OTUD7A: variants seen among roughly 807,000 people sequenced by gnomAD.
OTUD7A encodes the protein OTU deubiquitinase 7A.
Under a neutral mutation model 65.7 loss-of-function variants are expected in OTUD7A, and 12 were observed. The observed-to-expected ratio is 0.18, with a 90% CI of 0.12 to 0.30. OTUD7A has a LOEUF of 0.30. Among genes scored for constraint, OTUD7A ranks in the 10% least tolerant of loss-of-function variants. The pLI, the probability that OTUD7A is intolerant of heterozygous loss-of-function variation, is 1.00. For missense variants in OTUD7A, 1,148 were observed against 1,304.8 expected (o/e 0.88, Z 1.85); for synonymous variants, 641 against 586.3 (o/e 1.09, Z -1.35).
intron 1 of OTUD7A, among the ~76,000 whole-genome samples, chr15:31,860,677 G>GTATATATATATATACATATATA (rs1897708353): frequency 1.4e-5 from 1 of 73,284 alleles, no homozygotes; most frequent in African/African-American, 4.6e-5. Flanking sequence ...ATGTATGTGT[G>GTATATATATATATACATATATA]TATATATATA....
chr15:31,647,071 C>T lies in OTUD7A; in HGVS notation c.151+8025G>A, dbSNP rs550895976. On this transcript the variant is annotated intron_variant, in intron 3 of 12. Transcript: ENST00000307050. ...TTTTTTGACATTTTTTCCCCAAATA[C>T]GTCTGGTCTAACGGCAGAGCTCTCT... is the stretch of plus-strand genomic sequence containing the variant. 2.7e-4 allele frequency among the ~76,000 whole-genome samples: 41 copies of T among 152,204 alleles called. 1 individual carries two copies. In the South Asian group the frequency reaches 6.8e-3, roughly 25 times the overall value.
Position 31,572,342 on chromosome 15 carries a change from G to A in OTUD7A, c.152-2145C>T, listed in dbSNP as rs547313814. 5.9e-5 allele frequency among the ~76,000 whole-genome samples: 9 copies of A among 152,242 alleles called. No individual in the cohort carries two copies. The South Asian group carries it at 1.7e-3, about 28-fold the overall frequency. ...AGCAGCAAGACAGTATAGCTGTATG[G>A]AAGAAGACCTTAACCAAAATAATTC... On this transcript the variant is annotated intron_variant, in intron 3 of 12. Transcript: ENST00000307050.
At chr15:31,704,146 A>G (rs1893275210) in intron 1 of OTUD7A, among the ~76,000 whole-genome samples, 1 of 124,702 alleles carries the variant, frequency 8.0e-6, no homozygotes, top group South Asian at 3.2e-4. Flanking sequence ...ATCAACATTA[A>G]TGTCCTGGTT....
chr15:31,487,483 T>G lies in OTUD7A; in HGVS notation c.1255A>C (p.Lys419Gln). 1 of 1,613,828 alleles carries G rather than the reference T, an allele frequency of 6.2e-7. No individual in the cohort carries two copies. The highest frequency in any genetic ancestry group is 8.5e-7 in the Non-Finnish European group (1 of 1,179,958). The stretch of plus-strand genomic sequence containing the variant: ...AGCCGGGCGTTATCGTTGTCGTCTT[T>G]CCCCCACTCCCAGTCCTTGCCAGGG... ...VDPGKDWEWG[K>Q]DDNDNARLAH... Residue 419 changes from lysine to glutamine, a missense_variant, in exon 11 of 13, where the codon AAA becomes CAA. Transcript: ENST00000307050. The surrounding 1 kb of genome is among the most constrained non-coding windows in gnomAD (Gnocchi z 6.0).
At chr15:31,621,592 CTT>C (rs150301160) in intron 3 of OTUD7A, among the ~76,000 whole-genome samples, 1 of 151,144 alleles carries the variant, frequency 6.6e-6, no homozygotes, top group African/African-American at 2.4e-5. Context: ...CAACCCCTAC[CTT>C]TTTTTTTGTT....
intron 1 of OTUD7A, among the ~76,000 whole-genome samples, chr15:31,854,827 C>A (rs567339318): frequency 0.015 from 2,257 of 146,134 alleles, 59 homozygotes; most frequent in African/African-American, 0.053. Context: ...AAAAAAAAAA[C>A]AACAACAACA....
In OTUD7A at chr15:31,764,665, T is replaced by C. The variant is rs1321464375; in HGVS notation, c.-100+105842A>G. Among the ~76,000 whole-genome samples, 6 of 152,144 alleles carry C rather than the reference T, an allele frequency of 3.9e-5. No individual in the cohort carries two copies. The South Asian group carries it at 6.2e-4, about 16-fold the overall frequency. ...ATGTTTATAAAAAGCATTTAGGCCA[T>C]TGATTCTCACAGTTGGATGAATATT... On this transcript the variant is annotated intron_variant, in intron 1 of 12. Coordinates refer to ENST00000307050, the MANE Select transcript of OTUD7A (RefSeq NM_001382637.1).
At chr15:31,839,715 G>A (rs992873087) in intron 1 of OTUD7A, among the ~76,000 whole-genome samples, 3 of 152,158 alleles carry the variant, frequency 2.0e-5, no homozygotes, top group Non-Finnish European at 1.5e-5. Flanking sequence ...AGGGGATTCA[G>A]ACAAGCTCTA....
intron 1 of OTUD7A, among the ~76,000 whole-genome samples, chr15:31,838,763 C>A (rs991168973): frequency 3.3e-5 from 5 of 151,826 alleles, no homozygotes; most frequent in Non-Finnish European, 7.4e-5. Flanking sequence ...CCCCACTACT[C>A]CTGATTTTGA....
intron 1 of OTUD7A, among the ~76,000 whole-genome samples, chr15:31,797,293 G>A (rs930132280): frequency 6.6e-6 from 1 of 152,144 alleles, no homozygotes; most frequent in African/African-American, 2.4e-5. Context: ...CTTTTTTTAT[G>A]TATCTTGGTC....
chr15:31,617,686 G>A (rs1890634760), intron 3 of OTUD7A, among the ~76,000 whole-genome samples: 1 of 152,058 alleles, frequency 6.6e-6, no homozygotes, highest in Admixed American at 6.6e-5. Flanking sequence ...GGAGAAAGAA[G>A]GTGCAGTGAT....
intron 1 of OTUD7A, among the ~76,000 whole-genome samples, chr15:31,776,118 A>T (rs2140919698): frequency 6.6e-6 from 1 of 152,230 alleles, no homozygotes; most frequent in African/African-American, 2.4e-5. Flanking sequence ...GGGAGAGGGG[A>T]GGTGCATTCT....
chr15:31,528,238 G>C (rs2042040873), intron 6 of OTUD7A, among the ~76,000 whole-genome samples: 1 of 152,210 alleles, frequency 6.6e-6, no homozygotes, highest in Admixed American at 6.5e-5. Context: ...AGGCAGATCT[G>C]CTGTGGCGTG....
intron 10 of OTUD7A, among the ~76,000 whole-genome samples, chr15:31,499,063 T>G (rs779434886): frequency 1.3e-5 from 2 of 152,164 alleles, no homozygotes; most frequent in African/African-American, 2.4e-5. Flanking sequence ...TAAAGAATGC[T>G]TCATGGATTT....
intron 1 of OTUD7A, among the ~76,000 whole-genome samples, chr15:31,763,639 A>G (rs1180562908): frequency 6.6e-6 from 1 of 152,156 alleles, no homozygotes; most frequent in Non-Finnish European, 1.5e-5. Flanking sequence ...CGGTGGCTGA[A>G]ATCTTCCCAA....
intron 3 of OTUD7A, among the ~76,000 whole-genome samples, chr15:31,629,077 C>T (rs1486646574): frequency 6.6e-6 from 1 of 151,916 alleles, no homozygotes; most frequent in Non-Finnish European, 1.5e-5. Flanking sequence ...AATTGAATAC[C>T]CTTTATTTCC....
intron 8 of OTUD7A, among the ~76,000 whole-genome samples, chr15:31,507,060 G>C (rs1164875794): frequency 2.6e-5 from 4 of 152,132 alleles, no homozygotes; most frequent in African/African-American, 9.7e-5. Context: ...GATGGCTAAG[G>C]TCTGTCTTTA....
intron 1 of OTUD7A, among the ~76,000 whole-genome samples, chr15:31,665,554 C>A (rs1434614034): frequency 6.6e-6 from 1 of 152,146 alleles, no homozygotes; most frequent in Non-Finnish European, 1.5e-5. Context: ...GTTCTAGGAG[C>A]TTTCTGGAGG....
In OTUD7A at chr15:31,483,963, C is replaced by A. The variant is rs1315970757; in HGVS notation, c.2133G>T (p.Pro711=). ...PPRRPETEGV[P]VPERASPGPP... is the part of the protein sequence containing the mutation. ...GGCCCGGAGAGGCGCGCTCCGGGAC[C>A]GGCACGCCCTCCGTCTCCGGTCTGC... Residue 711 remains proline (P), a synonymous_variant, in exon 13 of 13, where the codon CCG becomes CCT. Coordinates refer to ENST00000307050, the MANE Select transcript of OTUD7A (RefSeq NM_001382637.1). 8.8e-7 allele frequency: 1 copy of A among 1,134,292 alleles called. No homozygotes were observed. Among genetic ancestry groups the A allele is most frequent in the Non-Finnish European group, 1.1e-6 (1 of 918,344 alleles). 70.3% of individuals were successfully genotyped at this position (1,134,292 alleles called of 1,614,324 possible). A position where few individuals can be genotyped will look rare whatever the true frequency, so the allele number is the denominator to read the frequency against.
Sources: allele counts gnomAD v4.1 joint callset (sites outside exome capture counted in the v4.1 genomes callset), GRCh38; gene constraint gnomAD v4.1.1; non-coding constraint Gnocchi (gnomAD v3.1); transcripts MANE v1.5; gene names NCBI Gene and HGNC (gene_info 2026-07-23, HGNC 2026-07-21).